The following DDX60L variants were observed in gnomAD, a reference collection of about 807,000 sequenced individuals.
The protein encoded by DDX60L is probable ATP-dependent RNA helicase DDX60-like.
In DDX60L, 191 loss-of-function variants were observed where a neutral mutation model predicts 211.6. The observed-to-expected ratio is 0.90, with a 90% CI of 0.80 to 1.02. The LOEUF is 1.02. Among genes scored for constraint, DDX60L ranks in the 50% least tolerant of loss-of-function variants. DDX60L has a pLI of 0.00. For missense variants in DDX60L, 2,007 were observed against 1,984.1 expected, an observed-to-expected ratio of 1.01 and a Z score of -0.22; for synonymous variants, 706 against 694.1, an observed-to-expected ratio of 1.02 and a Z score of -0.27.
At chr4:168,473,573 G>A (rs1033602418) in intron 1 of DDX60L, among the ~76,000 whole-genome samples, 1 of 152,218 alleles carries the variant, frequency 6.6e-6, no homozygotes, top group African/African-American at 2.4e-5. Flanking sequence ...AGCAAGGACA[G>A]GAGGATGGAC....
At chr4:168,408,324 T>C (rs866498131) in intron 22 of DDX60L, among the ~76,000 whole-genome samples, 3 of 152,208 alleles carry the variant, frequency 2.0e-5, no homozygotes, top group Middle Eastern at 3.2e-3. Flanking sequence ...GTATACAATA[T>C]GCTGTTAAAA....
chr4:168,438,236 C>A (rs2149981453), intron 10 of DDX60L, among the ~76,000 whole-genome samples: 1 of 152,286 alleles, frequency 6.6e-6, no homozygotes, highest in South Asian at 2.1e-4. Context: ...TCCAAATCTA[C>A]CTATAATCTG....
chr4:168,454,811 G>A (rs1756305648), intron 7 of DDX60L, among the ~76,000 whole-genome samples: 1 of 131,938 alleles, frequency 7.6e-6, no homozygotes, highest in Admixed American at 8.3e-5. Flanking sequence ...GTCATTTGTT[G>A]GGATGGAGAA....
intron 36 of DDX60L, among the ~76,000 whole-genome samples, chr4:168,369,546 G>A (rs539459453): frequency 1.4e-5 from 2 of 147,242 alleles, no homozygotes; most frequent in African/African-American, 5.0e-5. Context: ...TTTTAAATAA[G>A]ATCTCAAAAA....
intron 20 of DDX60L, among the ~76,000 whole-genome samples, chr4:168,416,466 C>T (rs914626428): frequency 2.0e-5 from 3 of 152,122 alleles, no homozygotes; most frequent in Non-Finnish European, 2.9e-5. Context: ...CACCTGTGGT[C>T]CCAGCTACTC....
At chr4:168,428,700 T>A (rs1460279501) in intron 13 of DDX60L, among the ~76,000 whole-genome samples, 3 of 152,186 alleles carry the variant, frequency 2.0e-5, no homozygotes, top group Admixed American at 6.5e-5. Context: ...TTCCCAACCA[T>A]GAGGCTAAGA....
chr4:168,450,566 T>C, intron 8 of DDX60L, among the ~76,000 whole-genome samples: 1 of 152,060 alleles, frequency 6.6e-6, no homozygotes, highest in East Asian at 1.9e-4. Flanking sequence ...CACTCACTAT[T>C]GTTGAATATT....
chr4:168,448,173 T>C (rs982884326), intron 9 of DDX60L, among the ~76,000 whole-genome samples: 1 of 152,216 alleles, frequency 6.6e-6, no homozygotes, highest in Non-Finnish European at 1.5e-5. Flanking sequence ...ACTTCAATAA[T>C]GTTCGTTCAG....
At chr4:168,397,441 G>A (rs1319405183) in intron 26 of DDX60L, among the ~76,000 whole-genome samples, 10 of 152,222 alleles carry the variant, frequency 6.6e-5, no homozygotes. Flanking sequence ...AAAGTGGAAT[G>A]AGAACAAAAG....
At chr4:168,443,457 G>T (rs1487448413) in intron 9 of DDX60L, among the ~76,000 whole-genome samples, 1 of 151,838 alleles carries the variant, frequency 6.6e-6, no homozygotes, top group African/African-American at 2.4e-5. Context: ...CACTCTGCAG[G>T]ATATTATCCA....
intron 35 of DDX60L, 37 bp downstream of exon 35, chr4:168,373,629 A>G: frequency 6.3e-7 from 1 of 1,597,892 alleles, no homozygotes; most frequent in Admixed American, 1.7e-5. Flanking sequence ...TCTGTCTGTT[A>G]AACACATTTT....
chr4:168,394,721 GCA>G, intron 27 of DDX60L, 104 bp from the exon 28 acceptor site: 1 of 1,058,560 alleles, frequency 9.4e-7, no homozygotes, highest in Non-Finnish European at 1.4e-6. Context: ...CTTACATCTT[GCA>G]CACAGTGAGG....
chr4:168,405,991 C>T lies in DDX60L; in HGVS notation c.3172G>A (p.Ala1058Thr), dbSNP rs751448527. The T allele has an allele frequency of 1.3e-6, 2 of 1,596,326 alleles. No individual in the cohort carries two copies. Among genetic ancestry groups the T allele is most frequent in the African/African-American group, 1.3e-5 (1 of 74,360 alleles). Residue 1058 changes from alanine to threonine, a missense_variant, in exon 24 of 38, where the codon GCA (alanine) becomes ACA (threonine). Coordinates refer to ENST00000682922, the MANE Select transcript of DDX60L (RefSeq NM_001012967.3). ...TTTTTAATCCAATTTGTCAATTCTG[C>T]CTTTAAGTTTTCTTCATATTTTCTA... Reference protein sequence around the residue: ...DARKYEENLKAELTNWIKNGQ... With the variant: ...DARKYEENLKTELTNWIKNGQ...
rs78952390 is a variant in DDX60L at position 168,417,179 on chromosome 4, A to G, written c.2611-382T>C. 8.0e-3 allele frequency among the ~76,000 whole-genome samples: 1,211 copies of G among 152,208 alleles called. 15 individuals are homozygous for G. Among genetic ancestry groups the G allele is most frequent in the African/African-American group, 0.027 (1,120 of 41,522 alleles). On this transcript the variant is annotated intron_variant, in intron 19 of 37. Coordinates refer to ENST00000682922, the MANE Select transcript of DDX60L (RefSeq NM_001012967.3). ...AATGGTATTATTAAACAAAAATCAA[A>G]TTAGGCTACATACCTAATTAAATCC...
At position 168,421,732 on chromosome 4, in the gene DDX60L, G is replaced by C. The variant is rs941316970; in HGVS notation, c.2394+28C>G. ...TTAAAGGGGATGTTCAGGAACAAAA[G>C]CAAAAATGAAAGTCATTCAAACACT... On this transcript the variant is annotated intron_variant, in intron 17 of 37. Transcript: ENST00000682922. The C allele has an allele frequency of 8.7e-6, 14 of 1,611,358 alleles. No individual in the cohort carries two copies. The African/African-American group carries it at 1.7e-4, about 20-fold the overall frequency.
intron 1 of DDX60L, among the ~76,000 whole-genome samples, chr4:168,476,903 T>G (rs1196571230): frequency 1.3e-5 from 2 of 152,198 alleles, no homozygotes; most frequent in African/African-American, 4.8e-5. Context: ...TTTAAAAAGT[T>G]AGGTGCAAAG....
rs373147933 is a variant in DDX60L at position 168,463,814 on chromosome 4, G to T, written c.265-1774C>A. Among the ~76,000 whole-genome samples, 18 of 152,298 alleles carry T rather than the reference G, an allele frequency of 1.2e-4. No individual in the cohort carries two copies. In the South Asian group the frequency reaches 3.7e-3, roughly 32 times the overall value. ...AAACAACAATTGCTTCTAGGAGTAG[G>T]ATGAGGGAATGGGCTCATAATATAC... is the stretch of plus-strand genomic sequence containing the variant. On this transcript the variant is annotated intron_variant, in intron 4 of 37. Coordinates refer to ENST00000682922, the MANE Select transcript of DDX60L (RefSeq NM_001012967.3).
At chr4:168,435,993 A>G (rs2451036) in intron 10 of DDX60L, among the ~76,000 whole-genome samples, 143 of 152,322 alleles carry the variant, frequency 9.4e-4, no homozygotes, top group African/African-American at 3.2e-3. Flanking sequence ...TAGGAGTCCA[A>G]TTGTGTGGGG....
In DDX60L at chr4:168,471,932, A is replaced by G. The variant is rs757123974; in HGVS notation, c.79T>C (p.Ser27Pro). 4 of 1,582,898 alleles carry G rather than the reference A, an allele frequency of 2.5e-6. No homozygotes were observed. The highest frequency in any genetic ancestry group is 1.9e-5 in the Admixed American group (1 of 52,716). ...TCCACAAAATCATTTAATATGCTGG[A>G]ATACCTAAAATAAAAATCAAAGAGA... ...ILNEMPKAGY[S>P]SILNDFVESN... The change falls in exon 4 of 38, where the codon TCC (serine) becomes CCC (proline). Residue 27 changes from serine (S) to proline (P), a missense_variant. Transcript: ENST00000682922.
Sources: gnomAD v4.1 joint callset for allele counts (sites outside exome capture counted in the v4.1 genomes callset) on GRCh38, gnomAD v4.1.1 for gene constraint, MANE v1.5 for transcripts, NCBI Gene and HGNC (gene_info 2026-07-23, HGNC 2026-07-21) for gene names.